PRRX1: variants seen among roughly 807,000 people sequenced by gnomAD.
PRRX1 encodes the protein paired mesoderm homeobox protein 1.
In PRRX1, 8 loss-of-function variants were observed where a neutral mutation model predicts 24.0. That is an observed-to-expected ratio of 0.33 (90% confidence interval 0.20 to 0.60). The LOEUF is 0.60. Among genes scored for constraint, PRRX1 ranks in the 20% least tolerant of loss-of-function variants. The probability of loss-of-function intolerance (pLI) is 0.82; values close to 1 mark genes in which losing one functional copy is unlikely to be tolerated. For missense variants in PRRX1, 281 were observed against 322.4 expected, an observed-to-expected ratio of 0.87 and a Z score of 0.98; for synonymous variants, 160 against 131.7, an observed-to-expected ratio of 1.22 and a Z score of -1.47.
Position 170,738,427 on chromosome 1 carries a change from T to C in PRRX1, c.*2241T>C. On this transcript the variant is annotated 3_prime_UTR_variant, in exon 4 of 4. Transcript: ENST00000239461. ...TTGATTCCTTCTTCTTTTAGCCCAC[T>C]ATTAAAACATTTCTTACTGAATGGT... is the stretch of plus-strand genomic sequence containing the variant. 1 of 227,158 alleles carries C rather than the reference T, an allele frequency of 4.4e-6. No individual in the cohort carries two copies. Among genetic ancestry groups the C allele is most frequent in the Admixed American group, 5.7e-5 (1 of 17,586 alleles). 14.1% of individuals were successfully genotyped at this position (227,158 alleles called of 1,614,324 possible).
chr1:170,677,333 A>G (rs975556853), intron 1 of PRRX1, among the ~76,000 whole-genome samples: 1 of 152,252 alleles, frequency 6.6e-6, no homozygotes, highest in Middle Eastern at 3.2e-3. Context: ...GATGTAAGCA[A>G]AATGCCTAGT....
chr1:170,729,275 G>A (rs1212903065), intron 3 of PRRX1, among the ~76,000 whole-genome samples: 1 of 152,126 alleles, frequency 6.6e-6, no homozygotes, highest in Non-Finnish European at 1.5e-5. Context: ...GATCAGTGAG[G>A]CATGCCTGCA....
Position 170,664,422 on chromosome 1 carries a change from G to C in PRRX1, c.204G>C (p.Pro68=), listed in dbSNP as rs759679693. ...CTGGCCGGAGCCTGCTGGAGTCGCC[G>C]GGACTCACCAGCGGCAGCGACACCC... ...GEAGRSLLES[P]GLTSGSDTPQ... The change falls in exon 1 of 4, where the codon CCG becomes CCC. Residue 68 remains proline (P), a synonymous_variant. Transcript: ENST00000239461. The C allele has an allele frequency of 1.6e-5, 26 of 1,609,792 alleles. No individual in the cohort carries two copies. Among genetic ancestry groups the C allele is most frequent in the Non-Finnish European group, 2.1e-5 (25 of 1,178,658 alleles).
chr1:170,723,965 G>A (rs1305546403), intron 2 of PRRX1, among the ~76,000 whole-genome samples: 1 of 152,104 alleles, frequency 6.6e-6, no homozygotes, highest in Non-Finnish European at 1.5e-5. Context: ...GTGCATGACT[G>A]TATTTAATCT....
At chr1:170,687,480 A>G (rs1653783979) in intron 1 of PRRX1, among the ~76,000 whole-genome samples, 2 of 152,170 alleles carry the variant, frequency 1.3e-5, no homozygotes, top group Non-Finnish European at 2.9e-5. Flanking sequence ...AGCAGGACAC[A>G]AGGGCTAAGA....
At chr1:170,705,799 A>G (rs568646137) in intron 1 of PRRX1, among the ~76,000 whole-genome samples, 42 of 152,212 alleles carry the variant, frequency 2.8e-4, no homozygotes, top group African/African-American at 9.9e-4. Flanking sequence ...TTGCATTGCA[A>G]GAAGTTGTTC....
In PRRX1 at chr1:170,738,821, A is replaced by G. The variant is rs1230028912; in HGVS notation, c.*2635A>G. ...AAGCCTGAACCCATAAACCCAAATG[A>G]TAGGTGAAGTTGGGTGGTTTTATCC... is the stretch of plus-strand genomic sequence containing the variant. On this transcript the variant is annotated 3_prime_UTR_variant, in exon 4 of 4. Transcript: ENST00000239461. The G allele has an allele frequency of 4.4e-6, 1 of 229,074 alleles. No homozygotes were observed. Among genetic ancestry groups the G allele is most frequent in the Non-Finnish European group, 8.7e-6 (1 of 115,506 alleles). 14.2% of individuals were successfully genotyped at this position (229,074 alleles called of 1,614,324 possible). A position where few individuals can be genotyped will look rare whatever the true frequency, so the allele number is the denominator to read the frequency against.
At chr1:170,688,129 TA>T (rs1653808743) in intron 1 of PRRX1, among the ~76,000 whole-genome samples, 1 of 152,096 alleles carries the variant, frequency 6.6e-6, no homozygotes, top group South Asian at 2.1e-4. Context: ...AAGTTGCTAT[TA>T]TTATTATTTT....
chr1:170,710,252 A>G (rs1325807798), intron 1 of PRRX1, among the ~76,000 whole-genome samples: 1 of 152,230 alleles, frequency 6.6e-6, no homozygotes, highest in Non-Finnish European at 1.5e-5. Context: ...ATCATGCTAA[A>G]TGAGCAATTA....
chr1:170,675,914 C>T (rs1043814283), intron 1 of PRRX1, among the ~76,000 whole-genome samples: 1 of 151,932 alleles, frequency 6.6e-6, no homozygotes, highest in Admixed American at 6.6e-5. Flanking sequence ...GAGTAAACAC[C>T]ATTTTTGAAA....
intron 1 of PRRX1, among the ~76,000 whole-genome samples, chr1:170,713,985 G>T (rs995360780): frequency 6.6e-6 from 1 of 152,138 alleles, no homozygotes; most frequent in African/African-American, 2.4e-5. Flanking sequence ...ACCGCTGAAG[G>T]GCTATGCTGT....
chr1:170,675,483 T>C (rs1653288998), intron 1 of PRRX1, among the ~76,000 whole-genome samples: 1 of 152,154 alleles, frequency 6.6e-6, no homozygotes, highest in Admixed American at 6.5e-5. Context: ...GGCTCATGCA[T>C]GCTTTTTGAA....
intron 1 of PRRX1, among the ~76,000 whole-genome samples, chr1:170,698,275 A>G (rs1571330308): frequency 6.6e-6 from 1 of 152,214 alleles, no homozygotes; most frequent in African/African-American, 2.4e-5. Context: ...ACTTTTTTGG[A>G]AAGTTAAAGC....
chr1:170,678,000 T>G (rs1653380354), intron 1 of PRRX1, among the ~76,000 whole-genome samples: 1 of 152,160 alleles, frequency 6.6e-6, no homozygotes, highest in South Asian at 2.1e-4. Context: ...CACGTTAATT[T>G]CTCTCTGTCC....
At chr1:170,700,778 T>C (rs1007859366) in intron 1 of PRRX1, among the ~76,000 whole-genome samples, 6 of 152,200 alleles carry the variant, frequency 3.9e-5, no homozygotes, top group African/African-American at 9.6e-5. Context: ...TGTCCTACCC[T>C]GGAGGATGCA....
chr1:170,681,321 T>G (rs1653498392), intron 1 of PRRX1, among the ~76,000 whole-genome samples: 1 of 152,194 alleles, frequency 6.6e-6, no homozygotes, highest in Non-Finnish European at 1.5e-5. Context: ...TTCTACTGTA[T>G]TCCAGTATTT....
rs983951148 is a variant in PRRX1 at position 170,702,392 on chromosome 1, C to A, written c.242-17334C>A. On this transcript the variant is annotated intron_variant, in intron 1 of 3. Coordinates refer to ENST00000239461, the MANE Select transcript of PRRX1 (RefSeq NM_022716.4). Reference sequence around the variant, plus strand: ...TCTCCCTGTCCTCCCCTCCCCTCACCCTTTCAAGCCTCTAATAACCACAAT... The same window carrying A: ...TCTCCCTGTCCTCCCCTCCCCTCACACTTTCAAGCCTCTAATAACCACAAT... 9.2e-5 allele frequency among the ~76,000 whole-genome samples: 14 copies of A among 152,218 alleles called. 1 individual carries two copies. The South Asian group carries it at 1.9e-3, about 20-fold the overall frequency.
intron 3 of PRRX1, chr1:170,728,417 T>C (rs760722723): frequency 1.2e-4 from 19 of 152,234 alleles, no homozygotes; most frequent in Admixed American, 3.9e-4. Context: ...TTCACCATCT[T>C]GACATAACTA....
chr1:170,736,632 C>A lies in PRRX1; in HGVS notation c.*446C>A. 1 of 205,398 alleles carries A rather than the reference C, an allele frequency of 4.9e-6. No individual in the cohort carries two copies. The highest frequency in any genetic ancestry group is 1.0e-5 in the Non-Finnish European group (1 of 98,774). The allele number at this position is 205,398 out of a possible 1,614,324, so 12.7% of individuals were successfully genotyped here. A position where few individuals can be genotyped will look rare whatever the true frequency, so the allele number is the denominator to read the frequency against. The stretch of plus-strand genomic sequence containing the variant: ...TTTGAACCTTAGTGCCTTACCCTGT[C>A]CTCTTCCCAGTTCTCTTTATAGAAG... On this transcript the variant is annotated 3_prime_UTR_variant, in exon 4 of 4. Transcript: ENST00000239461.
Sources: gnomAD v4.1 joint callset for allele counts (sites outside exome capture counted in the v4.1 genomes callset) on GRCh38, gnomAD v4.1.1 for gene constraint, MANE v1.5 for transcripts, NCBI Gene and HGNC (gene_info 2026-07-23, HGNC 2026-07-21) for gene names.